The following DIP2C variants were observed in gnomAD, a reference collection of about 807,000 sequenced individuals.
DIP2C encodes disco-interacting protein 2 homolog C.
Under a neutral mutation model 192.4 loss-of-function variants are expected in DIP2C, and 33 were observed. The observed-to-expected ratio is 0.17, with a 90% CI of 0.13 to 0.23. The LOEUF is 0.23. Among genes scored for constraint, DIP2C ranks in the 10% least tolerant of loss-of-function variants. DIP2C has a pLI of 1.00. For synonymous variants in DIP2C, 979 were observed against 864.1 expected, an observed-to-expected ratio of 1.13 and a Z score of -2.33; for missense variants, 1,537 against 2,110.1, an observed-to-expected ratio of 0.73 and a Z score of 5.32.
At chr10:297,241 TACAC>T (rs140637166) in intron 32 of DIP2C, among the ~76,000 whole-genome samples, 15,022 of 115,278 alleles carry the variant, frequency 0.13, 1,758 homozygotes, top group African/African-American at 0.33. Context: ...CCCCACCACA[TACAC>T]ACACACACAC....
intron 24 of DIP2C, among the ~76,000 whole-genome samples, chr10:356,067 G>A (rs533218734): frequency 6.6e-5 from 10 of 152,290 alleles, no homozygotes; most frequent in African/African-American, 2.2e-4. Context: ...GCAACAGAGC[G>A]AGACTGCCTC....
intron 1 of DIP2C, among the ~76,000 whole-genome samples, chr10:584,376 CCA>C (rs1850860801): frequency 6.6e-6 from 1 of 152,118 alleles, no homozygotes; most frequent in African/African-American, 2.4e-5. Flanking sequence ...ATCTCGGAGC[CCA>C]CGACCTGACA....
Position 310,012 on chromosome 10 carries a change from A to T in DIP2C, c.3986+19T>A. On this transcript the variant is annotated intron_variant, in intron 32 of 36. Coordinates refer to ENST00000280886, the MANE Select transcript of DIP2C (RefSeq NM_014974.3). Reference sequence around the variant, plus strand: ...AACAAAAAAAGGAAAAAAAGAAAAAACCCAGAAGTGTACAGTACCTGTCGT... The same window carrying T: ...AACAAAAAAAGGAAAAAAAGAAAAATCCCAGAAGTGTACAGTACCTGTCGT... The T allele has an allele frequency of 6.2e-7, 1 of 1,612,368 alleles. No homozygotes were observed. Among genetic ancestry groups the T allele is most frequent in the East Asian group, 2.2e-5 (1 of 44,872 alleles).
chr10:479,308 C>T (rs1239836224), intron 2 of DIP2C, among the ~76,000 whole-genome samples: 1 of 150,512 alleles, frequency 6.6e-6, no homozygotes, highest in Non-Finnish European at 1.5e-5. Flanking sequence ...CCTGCCCTAA[C>T]CCCATGAATT....
chr10:295,101 CT>C (rs200972750), intron 32 of DIP2C, among the ~76,000 whole-genome samples: 31 of 149,766 alleles, frequency 2.1e-4, no homozygotes, highest in Admixed American at 8.6e-4. Flanking sequence ...AAGTGGAAGT[CT>C]TTTTTTTTTC....
intron 1 of DIP2C, among the ~76,000 whole-genome samples, chr10:609,921 C>T (rs1483734951): frequency 2.0e-5 from 3 of 152,196 alleles, no homozygotes; most frequent in East Asian, 1.9e-4. Flanking sequence ...CTAGTGGAAG[C>T]GAGGGGCACA....
intron 17 of DIP2C, among the ~76,000 whole-genome samples, chr10:378,790 C>T (rs1792114710): frequency 7.2e-6 from 1 of 139,156 alleles, no homozygotes; most frequent in Non-Finnish European, 1.5e-5. Flanking sequence ...CCTAGACACC[C>T]ATGGACATGC....
chr10:550,055 G>T (rs1848507320), intron 1 of DIP2C, among the ~76,000 whole-genome samples: 1 of 150,534 alleles, frequency 6.6e-6, no homozygotes. Flanking sequence ...TGTCGCCCAG[G>T]CTGGAGTGCA....
intron 17 of DIP2C, among the ~76,000 whole-genome samples, chr10:376,041 C>T (rs914651264): frequency 7.2e-5 from 11 of 152,194 alleles, no homozygotes; most frequent in African/African-American, 1.9e-4. Context: ...AGTCATGTAA[C>T]GGCGGTAACA....
rs148699383 is a variant in DIP2C at position 635,730 on chromosome 10, G to A, written c.85+53764C>T. Among the ~76,000 whole-genome samples the A allele has an allele frequency of 6.0e-3, 908 of 152,346 alleles. 10 individuals carry two copies. Among genetic ancestry groups the A allele is most frequent in the African/African-American group, 0.02 (850 of 41,584 alleles). ...GGGAAATTGCCCCTGGGCACTGGGC[G>A]CTCAGGCTGGAGGTGGTGAGACCTC... On this transcript the variant is annotated intron_variant, in intron 1 of 36. Transcript: ENST00000280886.
At chr10:498,154 C>A (rs1844978817) in intron 1 of DIP2C, among the ~76,000 whole-genome samples, 1 of 152,238 alleles carries the variant, frequency 6.6e-6, no homozygotes, top group Non-Finnish European at 1.5e-5. Flanking sequence ...GCATGAGCCA[C>A]TGAATCCAGC....
chr10:328,530 T>C (rs1286327600), intron 30 of DIP2C, among the ~76,000 whole-genome samples: 2 of 152,214 alleles, frequency 1.3e-5, no homozygotes, highest in Non-Finnish European at 2.9e-5. Flanking sequence ...AACAGGAAGG[T>C]CATGAAAATG....
At chr10:586,904 C>G (rs925454736) in intron 1 of DIP2C, among the ~76,000 whole-genome samples, 1 of 152,230 alleles carries the variant, frequency 6.6e-6, no homozygotes, top group Non-Finnish European at 1.5e-5. Context: ...AGTTCTAAGG[C>G]CAGACCACGT....
intron 3 of DIP2C, among the ~76,000 whole-genome samples, chr10:460,055 G>T (rs1969643108): frequency 6.7e-6 from 1 of 148,376 alleles, no homozygotes; most frequent in Admixed American, 6.8e-5. Flanking sequence ...ATGAGCTCTA[G>T]TATCTTCCTC....
At chr10:548,500 T>C (rs893209519) in intron 1 of DIP2C, among the ~76,000 whole-genome samples, 8 of 124,290 alleles carry the variant, frequency 6.4e-5, no homozygotes, top group Non-Finnish European at 8.3e-5. Context: ...AGAGGTGATG[T>C]GGCCAGGAGG....
intron 19 of DIP2C, among the ~76,000 whole-genome samples, chr10:365,894 G>T (rs948507857): frequency 1.3e-5 from 2 of 152,186 alleles, no homozygotes; most frequent in African/African-American, 4.8e-5. Flanking sequence ...CCAGGCGAGG[G>T]TTCGTACCTG....
intron 31 of DIP2C, among the ~76,000 whole-genome samples, chr10:318,816 A>G (rs182430024): frequency 3.7e-4 from 56 of 152,284 alleles, no homozygotes; most frequent in Admixed American, 1.7e-3. Context: ...GGGGACAAGG[A>G]AACTGAGAGC....
rs71376842 is a variant in DIP2C at position 603,298 on chromosome 10, C to CAAAAAAAAAAAAAAAAAAAAAA, written c.85+86174_85+86195dup. Among the ~76,000 whole-genome samples the CAAAAAAAAAAAAAAAAAAAAAA allele has an allele frequency of 6.5e-5, 3 of 45,880 alleles. 1 individual carries two copies. The highest frequency in any genetic ancestry group is 3.7e-4 in the African/African-American group (3 of 8,140). The allele number at this position is 45,880 out of a possible 152,430, so 30.1% of individuals were successfully genotyped here. On this transcript the variant is annotated intron_variant, in intron 1 of 36. Transcript: ENST00000280886. ...TGGGTGACAGAATGAGACTCCATCT[C>CAAAAAAAAAAAAAAAAAAAAAA]AAAAAAAAAAAAAAAAAAAAAAAAA...
intron 14 of DIP2C, among the ~76,000 whole-genome samples, chr10:386,163 G>A (rs11594718): frequency 1.2e-4 from 18 of 152,302 alleles, no homozygotes; most frequent in African/African-American, 4.1e-4. Context: ...AGTGACTAAC[G>A]GCACCAGTGA....
Sources: gnomAD v4.1 joint callset for allele counts (sites outside exome capture counted in the v4.1 genomes callset) on GRCh38, gnomAD v4.1.1 for gene constraint, MANE v1.5 for transcripts, NCBI Gene and HGNC (gene_info 2026-07-23, HGNC 2026-07-21) for gene names.